The following ZBTB7C variants were observed in gnomAD, a reference collection of about 807,000 sequenced individuals.
ZBTB7C encodes the protein zinc finger and BTB domain-containing protein 7C.
Under a neutral mutation model 25.7 loss-of-function variants are expected in ZBTB7C, and 8 were observed. That is an observed-to-expected ratio of 0.31 (90% CI 0.18 to 0.56). The LOEUF (loss-of-function observed/expected upper bound fraction) is 0.56, where lower values mean the gene tolerates loss of function less well. Ranked by LOEUF, ZBTB7C falls within the 20% of genes least tolerant of loss-of-function variation. The pLI is 0.91. For synonymous variants in ZBTB7C, 394 were observed against 369.0 expected, an observed-to-expected ratio of 1.07 and a Z score of -0.78; for missense variants, 824 against 855.2, an observed-to-expected ratio of 0.96 and a Z score of 0.46.
intron 3 of ZBTB7C, among the ~76,000 whole-genome samples, chr18:48,154,087 G>A (rs2040761395): frequency 6.6e-6 from 1 of 152,206 alleles, no homozygotes; most frequent in Non-Finnish European, 1.5e-5. Flanking sequence ...GCCTCTGGCA[G>A]CAGAACACAC....
At chr18:48,053,247 G>A (rs1333444930) in intron 3 of ZBTB7C, among the ~76,000 whole-genome samples, 1 of 152,124 alleles carries the variant, frequency 6.6e-6, no homozygotes, top group Admixed American at 6.6e-5. Context: ...AGTTGGGAGC[G>A]GCCGCTTCTG....
chr18:48,177,053 A>T (rs1404424928), intron 3 of ZBTB7C, among the ~76,000 whole-genome samples: 6 of 152,268 alleles, frequency 3.9e-5, no homozygotes, highest in Admixed American at 3.9e-4. Context: ...TGTGCTGGAC[A>T]TCTACGGGAA....
At chr18:48,172,178 G>A (rs937506208) in intron 3 of ZBTB7C, among the ~76,000 whole-genome samples, 2 of 152,216 alleles carry the variant, frequency 1.3e-5, no homozygotes, top group African/African-American at 4.8e-5. Flanking sequence ...GGGAAGAGGT[G>A]GCAGTGGATT....
intron 2 of ZBTB7C, among the ~76,000 whole-genome samples, chr18:48,253,522 CA>C (rs2043931186): frequency 1.3e-5 from 2 of 152,098 alleles, no homozygotes; most frequent in African/African-American, 4.8e-5. Flanking sequence ...GTGTCCAGGC[CA>C]TAGAGCAGGA....
intron 2 of ZBTB7C, among the ~76,000 whole-genome samples, chr18:48,269,745 G>C (rs751418343): frequency 2.0e-5 from 3 of 152,190 alleles, no homozygotes; most frequent in Non-Finnish European, 4.4e-5. Context: ...GAGCTGAGGG[G>C]AGGAAGCCCA....
Position 48,039,895 on chromosome 18 carries a change from C to A in ZBTB7C, c.1208+5G>T, listed in dbSNP as rs777344826. ...TGCCCCACACCCGAGGGCTGCCATGCGCACCTGGTGAAGCGGACCTCGCAG... is the reference window on the plus strand; with the variant it reads ...TGCCCCACACCCGAGGGCTGCCATGAGCACCTGGTGAAGCGGACCTCGCAG... On this transcript the variant is annotated splice_donor_5th_base_variant and intron_variant, in intron 4 of 4. Transcript: ENST00000590800. The A allele has an allele frequency of 6.8e-6, 11 of 1,610,482 alleles. No individual in the cohort carries two copies. Among genetic ancestry groups the A allele is most frequent in the Admixed American group, 1.7e-5 (1 of 59,998 alleles).
chr18:48,067,330 G>A (rs1380854200), intron 3 of ZBTB7C, among the ~76,000 whole-genome samples: 1 of 152,186 alleles, frequency 6.6e-6, no homozygotes, highest in African/African-American at 2.4e-5. Context: ...CTCTGGATGA[G>A]TTGTTGACCA....
intron 2 of ZBTB7C, among the ~76,000 whole-genome samples, chr18:48,251,228 CAGAAATAA>C (rs1272612159): frequency 1.3e-5 from 2 of 151,712 alleles, no homozygotes; most frequent in Non-Finnish European, 2.9e-5. Context: ...TGTCTCCCCC[CAGAAATAA>C]AGAAATAAAG....
chr18:48,138,749 A>G (rs1357891787), intron 3 of ZBTB7C, among the ~76,000 whole-genome samples: 1 of 152,224 alleles, frequency 6.6e-6, no homozygotes, highest in African/African-American at 2.4e-5. Context: ...AAGACTGAGA[A>G]GTCAAATCCC....
At chr18:48,081,443 CTTTTTCT>C (rs1426327830) in intron 3 of ZBTB7C, among the ~76,000 whole-genome samples, 2 of 124,436 alleles carry the variant, frequency 1.6e-5, no homozygotes, top group African/African-American at 7.2e-5. Flanking sequence ...TTTCTTTTTT[CTTTTTCT>C]TTTTCTTTTT....
At chr18:48,228,720 CTCTCTCTCTCTG>C (rs965253063) in intron 2 of ZBTB7C, among the ~76,000 whole-genome samples, 2 of 119,440 alleles carry the variant, frequency 1.7e-5, no homozygotes, top group African/African-American at 6.1e-5. Flanking sequence ...CAGAGGGAGT[CTCTCTCTCTCTG>C]TCTCTCTCTC....
At chr18:48,037,191 A>G (rs1015407436) in intron 4 of ZBTB7C, among the ~76,000 whole-genome samples, 4 of 152,182 alleles carry the variant, frequency 2.6e-5, no homozygotes, top group Non-Finnish European at 5.9e-5. Flanking sequence ...ACCAGTGGGA[A>G]CAAGTGGTGG....
At position 48,394,898 on chromosome 18, in the gene ZBTB7C, G is replaced by T. The variant is rs142374855; in HGVS notation, c.-304+14328C>A. On this transcript the variant is annotated intron_variant, in intron 1 of 4. Coordinates refer to ENST00000590800, the MANE Select transcript of ZBTB7C (RefSeq NM_001318841.2). ...TAATGTGTGCTGTAAACGGCGACGC[G>T]TATGTGTATAAAATCAGCGCGCACA... 5.9e-5 allele frequency among the ~76,000 whole-genome samples: 9 copies of T among 152,274 alleles called. No individual in the cohort carries two copies. In the East Asian group the frequency reaches 1.7e-3, roughly 29 times the overall value.
chr18:48,239,128 A>G (rs1268370844), intron 2 of ZBTB7C, among the ~76,000 whole-genome samples: 1 of 152,124 alleles, frequency 6.6e-6, no homozygotes, highest in Non-Finnish European at 1.5e-5. Flanking sequence ...CATTGGCCTG[A>G]GAACCAACCC....
At chr18:48,106,247 T>C (rs995694612) in intron 3 of ZBTB7C, among the ~76,000 whole-genome samples, 7 of 151,696 alleles carry the variant, frequency 4.6e-5, no homozygotes, top group African/African-American at 1.7e-4. Flanking sequence ...TTCCAGCATC[T>C]CATCTTCAGC....
At chr18:48,389,223 TCTCTCTCTCTCTC>T (rs2047826879) in intron 1 of ZBTB7C, among the ~76,000 whole-genome samples, 76 of 125,642 alleles carry the variant, frequency 6.0e-4, no homozygotes, top group Middle Eastern at 3.8e-3. Flanking sequence ...TCTCTCTCTC[TCTCTCTCTCTCTC>T]GTGTGTGTGT....
chr18:48,282,380 G>A (rs899574008), intron 2 of ZBTB7C, among the ~76,000 whole-genome samples: 1 of 151,268 alleles, frequency 6.6e-6, no homozygotes, highest in Admixed American at 6.6e-5. Context: ...GTTAATGGGT[G>A]CAGCAAACCA....
At chr18:48,204,848 A>G (rs2042542395) in intron 2 of ZBTB7C, among the ~76,000 whole-genome samples, 1 of 152,156 alleles carries the variant, frequency 6.6e-6, no homozygotes, top group African/African-American at 2.4e-5. Context: ...CTCTCAAAGG[A>G]GAGAGAAAGT....
At chr18:48,310,147 G>A (rs904991243) in intron 2 of ZBTB7C, among the ~76,000 whole-genome samples, 3 of 151,730 alleles carry the variant, frequency 2.0e-5, no homozygotes, top group Non-Finnish European at 2.9e-5. Context: ...GGAGAATGGC[G>A]TGAACCCAGG....
Sources: gnomAD v4.1 joint callset for allele counts (sites outside exome capture counted in the v4.1 genomes callset) on GRCh38, gnomAD v4.1.1 for gene constraint, MANE v1.5 for transcripts, NCBI Gene and HGNC (gene_info 2026-07-23, HGNC 2026-07-21) for gene names.